Variants in C2orf74 observed in about 807,000 individuals in gnomAD.
The protein encoded by C2orf74 is uncharacterized protein C2orf74.
C2orf74 carries 14 observed loss-of-function variants against 17.9 expected under a neutral mutation model. The observed-to-expected ratio is 0.78, with a 90% CI of 0.52 to 1.22. The LOEUF (loss-of-function observed/expected upper bound fraction) is 1.22, where lower values mean the gene tolerates loss of function less well. Ranked by LOEUF, C2orf74 falls within the 50% of genes most tolerant of loss-of-function variation. The probability of loss-of-function intolerance (pLI) is 0.00; values close to 1 mark genes in which losing one functional copy is unlikely to be tolerated. For missense variants in C2orf74, 217 were observed against 218.4 expected, an observed-to-expected ratio of 0.99 and a Z score of 0.04; for synonymous variants, 79 against 72.6, an observed-to-expected ratio of 1.09 and a Z score of -0.44.
upstream of C2orf74, chr2:61,157,832 T>G: frequency 2.1e-6 from 1 of 468,774 alleles, no homozygotes; most frequent in Non-Finnish European, 4.4e-6. Flanking sequence ...TCACTCATCC[T>G]GTAATTCCTG....
In C2orf74 at chr2:61,164,479, A is replaced by G. The variant is rs774590792; in HGVS notation, c.516A>G (p.Glu172=). 4.5e-6 allele frequency: 7 copies of G among 1,550,916 alleles called. No individual in the cohort carries two copies. In the South Asian group the frequency reaches 8.3e-5, roughly 18 times the overall value. Reference sequence around the variant, plus strand: ...TAATTGTTGTGGATCTTGGGAATGAATACCCTACACCTCGAAGCTATACTC... The same window carrying G: ...TAATTGTTGTGGATCTTGGGAATGAGTACCCTACACCTCGAAGCTATACTC... The part of the protein sequence containing the change: ...REVIVVDLGN[E]YPTPRSYTRE... Residue 172 remains glutamate, a synonymous_variant, in exon 5 of 5, where the codon GAA becomes GAG. Transcript: ENST00000432605.
chr2:61,163,106 C>T lies in C2orf74; in HGVS notation c.264C>T (p.Val88=). ...TGCCGATGAGGCCTGGCATTCTTGT[C>T]CAGAGACAGAGTAAGGAAGTGTTGG... The part of the protein sequence containing the change: ...LNVPMRPGIL[V]QRQSKEVLAT... Residue 88 remains valine, a synonymous_variant, in exon 4 of 5, where the codon GTC becomes GTT. Coordinates refer to ENST00000432605, the MANE Select transcript of C2orf74 (RefSeq NM_001143959.4). 6.4e-7 allele frequency: 1 copy of T among 1,552,082 alleles called. No homozygotes were observed.
intron 1 of C2orf74, among the ~76,000 whole-genome samples, chr2:61,155,435 A>T (rs936397575): frequency 6.6e-6 from 1 of 152,154 alleles, no homozygotes; most frequent in East Asian, 1.9e-4. Context: ...GGGGTCTTCA[A>T]ATGAATGCAA....
chr2:61,153,573 C>T (rs923416188), intron 1 of C2orf74, among the ~76,000 whole-genome samples: 3 of 150,748 alleles, frequency 2.0e-5, no homozygotes, highest in South Asian at 2.1e-4. Flanking sequence ...TGAGCCACCG[C>T]GCCTGGCCAA....
intron 1 of C2orf74, among the ~76,000 whole-genome samples, chr2:61,146,302 CT>C (rs1403053877): frequency 3.3e-5 from 5 of 152,134 alleles, no homozygotes; most frequent in African/African-American, 9.7e-5. Context: ...ATAAATTATG[CT>C]TTTTGTGTAG....
intron 1 of C2orf74, among the ~76,000 whole-genome samples, chr2:61,152,765 T>C (rs1290187739): frequency 7.0e-6 from 1 of 142,932 alleles, no homozygotes; most frequent in African/African-American, 2.6e-5. Flanking sequence ...GGAGAATCGC[T>C]TGAACCTGGG....
chr2:61,159,767 G>A (rs1685507908), upstream of C2orf74, among the ~76,000 whole-genome samples: 1 of 152,212 alleles, frequency 6.6e-6, no homozygotes, highest in African/African-American at 2.4e-5. Flanking sequence ...CCACTTTACA[G>A]ACAAATTCCC....
exon 1 of C2orf74, chr2:61,145,142 C>G (rs1685029277): frequency 2.0e-5 from 3 of 152,248 alleles, no homozygotes; most frequent in Admixed American, 6.5e-5. Context: ...TGACGTCGTC[C>G]GAGAGTCTTA....
chr2:61,149,578 T>C (rs954489589), intron 1 of C2orf74, among the ~76,000 whole-genome samples: 3 of 141,334 alleles, frequency 2.1e-5, no homozygotes, highest in Middle Eastern at 3.5e-3. Context: ...GCCTTTCTTT[T>C]TTTTTTTTTT....
chr2:61,146,659 C>T (rs932049806), intron 1 of C2orf74, among the ~76,000 whole-genome samples: 2 of 152,058 alleles, frequency 1.3e-5, no homozygotes, highest in East Asian at 3.9e-4. Flanking sequence ...TGTGGTGAAA[C>T]CCCGTCTCTA....
intron 1 of C2orf74, among the ~76,000 whole-genome samples, chr2:61,150,412 T>G (rs1685190855): frequency 6.6e-6 from 1 of 152,130 alleles, no homozygotes. Flanking sequence ...TACTTCTTGA[T>G]CTCTATAAAA....
At chr2:61,157,569 G>GT (rs1685429044), upstream of C2orf74, among the ~76,000 whole-genome samples, 1 of 152,192 alleles carries the variant, frequency 6.6e-6, no homozygotes, top group Admixed American at 6.5e-5. Context: ...TGTCCACACT[G>GT]TAAGTCAAGC....
chr2:61,153,447 A>AT (rs779498931), intron 1 of C2orf74, among the ~76,000 whole-genome samples: 39 of 150,780 alleles, frequency 2.6e-4, no homozygotes, highest in Non-Finnish European at 4.7e-4. Context: ...CGCCTAGCTA[A>AT]TTTTTTTTGT....
intron 1 of C2orf74, among the ~76,000 whole-genome samples, chr2:61,154,208 T>C (rs1425752470): frequency 6.9e-6 from 1 of 145,934 alleles, no homozygotes; most frequent in African/African-American, 2.6e-5. Flanking sequence ...CACTTCAGCC[T>C]GGGCAATAAG....
At chr2:61,160,769 C>T (rs956590867), upstream of C2orf74, among the ~76,000 whole-genome samples, 34 of 152,190 alleles carry the variant, frequency 2.2e-4, no homozygotes, top group African/African-American at 4.3e-4. Context: ...GCATTACAGG[C>T]GTGAGCCACC....
upstream of C2orf74, among the ~76,000 whole-genome samples, chr2:61,160,469 A>G (rs1685532435): frequency 6.9e-6 from 1 of 145,684 alleles, no homozygotes; most frequent in Non-Finnish European, 1.5e-5. Context: ...CCGGAATTTC[A>G]TTCCTTTTAA....
intron 1 of C2orf74, among the ~76,000 whole-genome samples, chr2:61,153,217 A>G (rs1352510580): frequency 6.6e-6 from 1 of 152,098 alleles, no homozygotes; most frequent in Non-Finnish European, 1.5e-5. Context: ...AAGTGAGGAC[A>G]GAGAGGAGGA....
At chr2:61,160,511 C>G (rs1685533676), upstream of C2orf74, among the ~76,000 whole-genome samples, 1 of 150,784 alleles carries the variant, frequency 6.6e-6, no homozygotes, top group Non-Finnish European at 1.5e-5. Context: ...GTGTATATAC[C>G]ACTTTTTTTT....
chr2:61,145,665 GGCCT>G (rs1170586323), intron 1 of C2orf74, among the ~76,000 whole-genome samples: 4 of 151,976 alleles, frequency 2.6e-5, no homozygotes, highest in South Asian at 2.1e-4. Context: ...TCAGGTTATC[GGCCT>G]GCCTCAGACT....
Sources: allele counts gnomAD v4.1 joint callset (sites outside exome capture counted in the v4.1 genomes callset), GRCh38; gene constraint gnomAD v4.1.1; transcripts MANE v1.5; gene names NCBI Gene and HGNC (gene_info 2026-07-23, HGNC 2026-07-21).